The following FYB1 variants were observed in gnomAD, a reference collection of about 807,000 sequenced individuals.
The protein encoded by FYB1 is FYN-binding protein 1.
FYB1 carries 41 observed loss-of-function variants against 94.1 expected under a neutral mutation model. That is an observed-to-expected ratio of 0.44 (90% CI 0.34 to 0.57). The LOEUF is 0.57. FYB1 is among the 20% of genes least tolerant of loss of function. The probability of loss-of-function intolerance (pLI) is 0.02; values close to 1 mark genes in which losing one functional copy is unlikely to be tolerated. For missense variants in FYB1, 1,050 were observed against 976.8 expected, an observed-to-expected ratio of 1.07 and a Z score of -1.00; for synonymous variants, 367 against 353.2, an observed-to-expected ratio of 1.04 and a Z score of -0.44.
At chr5:39,168,752 A>G (rs1744972999) in intron 2 of FYB1, among the ~76,000 whole-genome samples, 1 of 152,210 alleles carries the variant, frequency 6.6e-6, no homozygotes, top group African/African-American at 2.4e-5. Flanking sequence ...ATAATAGTCA[A>G]TTGGTGAAAT....
At position 39,119,017 on chromosome 5, in the gene FYB1, A is replaced by C; in HGVS notation, c.2258T>G (p.Val753Gly). 1 of 1,419,046 alleles carries C rather than the reference A, an allele frequency of 7.0e-7. No homozygotes were observed. The highest frequency in any genetic ancestry group is 9.4e-7 in the Non-Finnish European group (1 of 1,059,122). The allele number at this position is 1,419,046 out of a possible 1,614,324, so 87.9% of individuals were successfully genotyped here. Residue 753 changes from valine (V) to glycine (G), a missense_variant, in exon 16 of 19, where the codon GTC becomes GGC. Val to Gly is a moderately radical substitution (Grantham distance 109, BLOSUM62 -3). Transcript: ENST00000512982. ...AGTTGTAACTTTAGTTGAATATAGGACTCTAATTTCACCATCATACTAAAA... is the reference window on the plus strand; with the variant it reads ...AGTTGTAACTTTAGTTGAATATAGGCCTCTAATTTCACCATCATACTAAAA... ...KKFKYDGEIRVLYSTKVTTSI... is the reference protein window; with the variant it reads ...KKFKYDGEIRGLYSTKVTTSI...
At chr5:39,177,384 G>A (rs1745827000) in intron 2 of FYB1, among the ~76,000 whole-genome samples, 1 of 152,170 alleles carries the variant, frequency 6.6e-6, no homozygotes, top group Non-Finnish European at 1.5e-5. Context: ...GAGCTAGAAG[G>A]TATCTCAGGG....
chr5:39,152,265 C>G (rs925106865), intron 3 of FYB1, among the ~76,000 whole-genome samples: 5 of 152,074 alleles, frequency 3.3e-5, no homozygotes, highest in Admixed American at 2.6e-4. Context: ...TCCTTAAACC[C>G]CCAAGAAAGC....
chr5:39,129,425 A>G (rs1221403131), intron 10 of FYB1, among the ~76,000 whole-genome samples: 1 of 151,874 alleles, frequency 6.6e-6, no homozygotes, highest in East Asian at 1.9e-4. Flanking sequence ...TAACACCCCA[A>G]AAGCACAGGC....
upstream of FYB1, chr5:39,219,641 A>G: frequency 3.1e-6 from 3 of 981,350 alleles, no homozygotes; most frequent in Non-Finnish European, 3.6e-6. Context: ...TGACCAGGCA[A>G]ACTTAGACAA....
upstream of FYB1, among the ~76,000 whole-genome samples, chr5:39,222,293 G>C (rs189493889): frequency 3.4e-4 from 52 of 152,250 alleles, no homozygotes; most frequent in African/African-American, 1.2e-3. Context: ...TTAAGGGTTG[G>C]CGGTAACTGT....
intron 2 of FYB1, among the ~76,000 whole-genome samples, chr5:39,157,311 T>G (rs1000794204): frequency 3.9e-5 from 6 of 152,228 alleles, no homozygotes; most frequent in African/African-American, 1.2e-4. Context: ...TCAGCTTTTT[T>G]GATTTGTATT....
chr5:39,216,466 T>C (rs1340553824), intron 1 of FYB1, among the ~76,000 whole-genome samples: 4 of 152,142 alleles, frequency 2.6e-5, no homozygotes, highest in Non-Finnish European at 5.9e-5. Context: ...GTTACACAGG[T>C]AAATGCATGC....
At chr5:39,156,710 C>T (rs963938152) in intron 2 of FYB1, among the ~76,000 whole-genome samples, 3 of 152,088 alleles carry the variant, frequency 2.0e-5, no homozygotes, top group African/African-American at 7.2e-5. Context: ...TAAGGAAAAG[C>T]ATCTTAGTTT....
At position 39,107,455 on chromosome 5, in the gene FYB1, A is replaced by G; in HGVS notation, c.2478T>C (p.Tyr826=). Residue 826 remains tyrosine (Y), a synonymous_variant, in exon 19 of 19, where the codon TAT becomes TAC. Coordinates refer to ENST00000512982, the MANE Select transcript of FYB1 (RefSeq NM_001465.6). ...IYDDIADGCI[Y]DND The stretch of plus-strand genomic sequence containing the variant: ...CCAAAGTTGAGTGCTAGTCATTGTC[A>G]TAGATGCAGCCTGAAAGGAAAAAAT... The G allele has an allele frequency of 6.6e-7, 1 of 1,526,540 alleles. No homozygotes were observed. Among genetic ancestry groups the G allele is most frequent in the Non-Finnish European group, 8.8e-7 (1 of 1,132,452 alleles). 94.6% of individuals were successfully genotyped at this position (1,526,540 alleles called of 1,614,324 possible).
At chr5:39,107,555 T>A (rs1283362047) in intron 18 of FYB1, 90 bp from the exon 19 acceptor site, 1 of 794,498 alleles carries the variant, frequency 1.3e-6, no homozygotes, top group Non-Finnish European at 1.9e-6. Context: ...ATTCATACTC[T>A]CCTGGTTAAG....
chr5:39,146,798 G>A (rs760860824), intron 3 of FYB1, among the ~76,000 whole-genome samples: 8 of 152,000 alleles, frequency 5.3e-5, no homozygotes, highest in Non-Finnish European at 1.2e-4. Context: ...GAATCTTAGT[G>A]CCACTTTATA....
chr5:39,162,586 G>A (rs749138702), intron 2 of FYB1, among the ~76,000 whole-genome samples: 2 of 152,116 alleles, frequency 1.3e-5, no homozygotes, highest in Non-Finnish European at 2.9e-5. Flanking sequence ...TCGGGAGGCT[G>A]AGGCAGGAGA....
chr5:39,185,547 A>G, intron 2 of FYB1, among the ~76,000 whole-genome samples: 1 of 141,476 alleles, frequency 7.1e-6, no homozygotes, highest in Middle Eastern at 3.7e-3. Context: ...TATATGATAT[A>G]TATGATATGA....
chr5:39,189,530 C>T (rs1479675596), intron 2 of FYB1, among the ~76,000 whole-genome samples: 1 of 152,090 alleles, frequency 6.6e-6, no homozygotes, highest in African/African-American at 2.4e-5. Flanking sequence ...AGAGGAAGAC[C>T]ACAGCTGTGT....
At chr5:39,154,463 A>C (rs1743560911) in intron 2 of FYB1, among the ~76,000 whole-genome samples, 1 of 150,172 alleles carries the variant, frequency 6.7e-6, no homozygotes, top group African/African-American at 2.4e-5. Flanking sequence ...CCTGCCTTTG[A>C]GTACAAATGA....
intron 2 of FYB1, among the ~76,000 whole-genome samples, chr5:39,201,578 G>A (rs1392089210): frequency 1.3e-5 from 2 of 152,064 alleles, no homozygotes; most frequent in Non-Finnish European, 2.9e-5. Context: ...TCAATGAAGT[G>A]GATGCATTCC....
At chr5:39,227,278 A>G (rs942696089) in intron 1 of FYB1, among the ~76,000 whole-genome samples, 1 of 152,210 alleles carries the variant, frequency 6.6e-6, no homozygotes, top group Admixed American at 6.5e-5. Context: ...AAAAGTTGAT[A>G]AGATAATTTT....
intron 3 of FYB1, among the ~76,000 whole-genome samples, chr5:39,153,175 T>TA (rs1208959739): frequency 6.6e-6 from 1 of 152,104 alleles, no homozygotes; most frequent in Admixed American, 6.5e-5. Flanking sequence ...CAGAACTTTT[T>TA]AAAAAACAGT....
Sources: allele counts gnomAD v4.1 joint callset (sites outside exome capture counted in the v4.1 genomes callset), GRCh38; gene constraint gnomAD v4.1.1; transcripts MANE v1.5; gene names NCBI Gene and HGNC (gene_info 2026-07-23, HGNC 2026-07-21).